CCDC171: variants seen among roughly 807,000 people sequenced by gnomAD.
The protein encoded by CCDC171 is coiled-coil domain containing 171.
CCDC171 carries 177 observed loss-of-function variants against 168.2 expected under a neutral mutation model. That is an observed-to-expected ratio of 1.05 (90% CI 0.93 to 1.19). The LOEUF (loss-of-function observed/expected upper bound fraction) is 1.19. Among genes scored for constraint, CCDC171 ranks in the 50% most tolerant of loss-of-function variants. The pLI is 0.00. For missense variants in CCDC171, 1,991 were observed against 1,539.0 expected, an observed-to-expected ratio of 1.29 and a Z score of -4.91; for synonymous variants, 687 against 540.8, an observed-to-expected ratio of 1.27 and a Z score of -3.75.
At chr9:15,632,184 G>A (rs1564094752) in intron 7 of CCDC171, among the ~76,000 whole-genome samples, 1 of 146,280 alleles carries the variant, frequency 6.8e-6, no homozygotes, top group Non-Finnish European at 1.5e-5. Flanking sequence ...AATTAGGCAG[G>A]AGAAGGAAAT....
At chr9:15,962,570 A>T (rs1830448918) in intron 25 of CCDC171, among the ~76,000 whole-genome samples, 1 of 152,116 alleles carries the variant, frequency 6.6e-6, no homozygotes, top group South Asian at 2.1e-4. Flanking sequence ...TTTTACTGGC[A>T]ATCAATGTCT....
Position 15,778,977 on chromosome 9 carries a change from G to T in CCDC171, c.2908G>T (p.Ala970Ser). The T allele has an allele frequency of 6.6e-7, 1 of 1,523,234 alleles. No individual in the cohort carries two copies. The highest frequency in any genetic ancestry group is 1.4e-5 in the South Asian group (1 of 72,688). 94.4% of individuals were successfully genotyped at this position (1,523,234 alleles called of 1,614,324 possible). A position where few individuals can be genotyped will look rare whatever the true frequency, so the allele number is the denominator to read the frequency against. ...TCTTGTTTAACAACAGAAAAGCACAGCATCGTTGCAGAAGCAAATACTTGG... is the reference window on the plus strand; with the variant it reads ...TCTTGTTTAACAACAGAAAAGCACATCATCGTTGCAGAAGCAAATACTTGG... ...RGHVPITKST[A>S]SLQKQILGFT... The change falls in exon 20 of 26, where the codon GCA (alanine) becomes TCA (serine). Residue 970 changes from alanine to serine, a missense_variant. Transcript: ENST00000380701.
chr9:15,910,222 A>G (rs1374431548), intron 24 of CCDC171, among the ~76,000 whole-genome samples: 3 of 151,788 alleles, frequency 2.0e-5, no homozygotes, highest in Non-Finnish European at 4.4e-5. Flanking sequence ...TTATCCAATC[A>G]TCTGTTGACG....
intron 24 of CCDC171, among the ~76,000 whole-genome samples, chr9:15,890,620 C>A (rs973797402): frequency 6.9e-6 from 1 of 144,564 alleles, no homozygotes; most frequent in Admixed American, 6.8e-5. Flanking sequence ...ATTATTTATT[C>A]CTTCACAATG....
intron 1 of CCDC171, among the ~76,000 whole-genome samples, chr9:16,043,987 G>A (rs1383212285): frequency 6.6e-6 from 1 of 152,146 alleles, no homozygotes; most frequent in Non-Finnish European, 1.5e-5. Flanking sequence ...CAGTCACCAG[G>A]GAAAACAGTG....
chr9:15,936,345 A>G (rs1827118233), intron 25 of CCDC171, among the ~76,000 whole-genome samples: 1 of 152,010 alleles, frequency 6.6e-6, no homozygotes. Context: ...TAAAGAAATT[A>G]TTTTCTCTGG....
the CCDC171 span, among the ~76,000 whole-genome samples, chr9:16,070,893 G>T: frequency 6.6e-6 from 1 of 152,200 alleles, no homozygotes; most frequent in Non-Finnish European, 1.5e-5. Context: ...TGCTTAGTTA[G>T]TGTAGGTTTG....
chr9:15,943,203 G>A (rs184168971), intron 25 of CCDC171, among the ~76,000 whole-genome samples: 40 of 152,080 alleles, frequency 2.6e-4, no homozygotes, highest in African/African-American at 8.4e-4. Context: ...AGTGATCCTA[G>A]TTCGCATGGT....
At chr9:15,935,868 T>A (rs1266796235) in intron 25 of CCDC171, among the ~76,000 whole-genome samples, 2 of 152,102 alleles carry the variant, frequency 1.3e-5, no homozygotes, top group Non-Finnish European at 2.9e-5. Flanking sequence ...CATATGTAAT[T>A]AAAATGCAGA....
chr9:16,074,803 A>T, the CCDC171 span, among the ~76,000 whole-genome samples: 1 of 152,208 alleles, frequency 6.6e-6, no homozygotes, highest in African/African-American at 2.4e-5. Flanking sequence ...AGCATTCCAG[A>T]GGGTAAGGTA....
chr9:15,986,039 G>C (rs767217342), intron 3 of CCDC171, among the ~76,000 whole-genome samples: 1 of 152,158 alleles, frequency 6.6e-6, no homozygotes, highest in African/African-American at 2.4e-5. Flanking sequence ...GCATAACTTC[G>C]TAAAAGAATG....
intron 3 of CCDC171, among the ~76,000 whole-genome samples, chr9:16,008,039 T>C (rs1405023955): frequency 6.6e-6 from 1 of 152,218 alleles, no homozygotes; most frequent in Admixed American, 6.5e-5. Context: ...ATCTTTTTAC[T>C]TCTTTATAGT....
chr9:15,913,740 C>T (rs1824059168), intron 24 of CCDC171, among the ~76,000 whole-genome samples: 1 of 152,162 alleles, frequency 6.6e-6, no homozygotes, highest in Non-Finnish European at 1.5e-5. Flanking sequence ...TTGGAATTTT[C>T]AGCCTTTTTG....
In CCDC171 at chr9:15,778,571, G is replaced by A. The variant is rs188105013; in HGVS notation, c.2899-397G>A. 1.1e-4 allele frequency among the ~76,000 whole-genome samples: 17 copies of A among 148,798 alleles called. No homozygotes were observed. In the East Asian group the frequency reaches 3.0e-3, roughly 27 times the overall value. On this transcript the variant is annotated intron_variant, in intron 19 of 25. Coordinates refer to ENST00000380701, the MANE Select transcript of CCDC171 (RefSeq NM_173550.4). ...TGAGGCATGAGAATCGCTTGAACTCGGGAGGTGGAGGTTGTAGTGAGACGA... is the reference window on the plus strand; with the variant it reads ...TGAGGCATGAGAATCGCTTGAACTCAGGAGGTGGAGGTTGTAGTGAGACGA...
At chr9:15,928,797 A>G (rs1826171601) in intron 25 of CCDC171, among the ~76,000 whole-genome samples, 1 of 151,612 alleles carries the variant, frequency 6.6e-6, no homozygotes, top group Admixed American at 6.6e-5. Flanking sequence ...ATTTTTTTTG[A>G]TCCTTGGCAT....
At chr9:15,869,513 G>GTTTTTTTTTTTTTTTT (rs72548935) in intron 23 of CCDC171, among the ~76,000 whole-genome samples, 1 of 147,978 alleles carries the variant, frequency 6.8e-6, no homozygotes, top group Non-Finnish European at 1.5e-5. Flanking sequence ...AAAGCGTAGT[G>GTTTTTTTTTTTTTTTT]TTTTTTTTTT....
intron 9 of CCDC171, among the ~76,000 whole-genome samples, chr9:15,672,418 T>G (rs774342578): frequency 7.9e-5 from 12 of 152,330 alleles, no homozygotes; most frequent in South Asian, 2.1e-4. Flanking sequence ...AGTCATGAAG[T>G]CTTTGCTCAT....
At chr9:15,914,994 C>T (rs1364011823) in intron 24 of CCDC171, among the ~76,000 whole-genome samples, 3 of 152,088 alleles carry the variant, frequency 2.0e-5, no homozygotes, top group African/African-American at 4.8e-5. Context: ...TAACCGGCCC[C>T]AGTGAGTTGA....
intron 21 of CCDC171, among the ~76,000 whole-genome samples, chr9:15,827,387 C>A (rs973459412): frequency 3.3e-5 from 5 of 152,128 alleles, no homozygotes; most frequent in Admixed American, 6.6e-5. Context: ...ACTTGAGCCT[C>A]TTCTAGGTTG....
Sources: gnomAD v4.1 joint callset for allele counts (sites outside exome capture counted in the v4.1 genomes callset) on GRCh38, gnomAD v4.1.1 for gene constraint, MANE v1.5 for transcripts, NCBI Gene and HGNC (gene_info 2026-07-23, HGNC 2026-07-21) for gene names.